The following ZNF445 variants were observed in gnomAD, a reference collection of about 807,000 sequenced individuals.
The protein encoded by ZNF445 is zinc finger protein 168.
Under a neutral mutation model 93.9 loss-of-function variants are expected in ZNF445, and 19 were observed. The ratio of observed to expected loss-of-function variants is 0.20; its 90% CI spans 0.14 to 0.30. The LOEUF is 0.30. ZNF445 is among the 10% of genes least tolerant of loss of function. ZNF445 has a pLI of 1.00. For missense variants in ZNF445, 1,058 were observed against 1,259.4 expected (o/e 0.84, Z 2.42); for synonymous variants, 449 against 446.3 (o/e 1.01, Z -0.08).
chr3:44,470,104 T>A (rs1472427100), intron 1 of ZNF445, among the ~76,000 whole-genome samples: 2 of 152,092 alleles, frequency 1.3e-5, no homozygotes, highest in East Asian at 3.9e-4. Context: ...TGACTTTTTT[T>A]TAGCGATAGG....
rs1424336824 is a variant in ZNF445, at chr3:44,447,182, T to G, written c.2489A>C (p.Glu830Ala). 6.2e-7 allele frequency: 1 copy of G among 1,614,232 alleles called. No individual in the cohort carries two copies. Among genetic ancestry groups the G allele is most frequent in the South Asian group, 1.1e-5 (1 of 91,086 alleles). Residue 830 changes from glutamate (E) to alanine (A), a missense_variant, in exon 8 of 8, where the codon GAG (glutamate) becomes GCG (alanine). By Grantham distance (107) the Glu-to-Ala change is moderately radical. Transcript: ENST00000396077. The surrounding 1 kb of genome is among the most constrained non-coding windows in gnomAD (Gnocchi z 4.7). ...TTTCTCACCAGTGAGGATTTTTGGC[T>G]CCACATTTGGAGTCTTTTCACTTTC... is the stretch of plus-strand genomic sequence containing the variant. ...CHESEKTPNV[E>A]PKILTGEKRF... is the part of the protein sequence containing the mutation.
At chr3:44,463,469 T>G (rs944947960) in intron 1 of ZNF445, among the ~76,000 whole-genome samples, 3 of 152,160 alleles carry the variant, frequency 2.0e-5, no homozygotes, top group African/African-American at 7.2e-5. Context: ...ACCTCTGTTT[T>G]CCTCATGAAA....
Position 44,433,968 on chromosome 3 carries a change from G to C in ZNF445, c.*12607C>G, listed in dbSNP as rs1269524284. The C allele has an allele frequency of 2.6e-5, 4 of 152,218 alleles. No individual in the cohort carries two copies. The highest frequency in any genetic ancestry group is 2.1e-4 in the South Asian group (1 of 4,832). The allele number at this position is 152,218 out of a possible 1,614,324, so 9.4% of individuals were successfully genotyped here. On this transcript the variant is annotated 3_prime_UTR_variant, in exon 8 of 8. Transcript: ENST00000396077. ...AGGAAAGGAATGGCTGCTGAGGACT[G>C]AGAACTAGAGCTGAGACTCCCAGGC...
intron 3 of ZNF445, 72 bp downstream of exon 3, chr3:44,455,049 C>A: frequency 1.9e-6 from 3 of 1,587,140 alleles, no homozygotes; most frequent in Admixed American, 1.7e-5. Context: ...TAGAGGGCCA[C>A]CCCCATCCCC....
intron 1 of ZNF445, among the ~76,000 whole-genome samples, chr3:44,458,881 G>A (rs1002833232): frequency 5.3e-5 from 8 of 152,084 alleles, no homozygotes; most frequent in African/African-American, 1.2e-4. Flanking sequence ...GAAATGCTGC[G>A]GAGAGGCCAA....
rs1400030509 is a variant in ZNF445, at chr3:44,433,801, C to T, written c.*12774G>A. On this transcript the variant is annotated 3_prime_UTR_variant, in exon 8 of 8. Transcript: ENST00000396077. The stretch of plus-strand genomic sequence containing the variant: ...GGGGCCCCACACTTAGAATGGCCTC[C>T]GCCTGCTATCTTGCTCTGCTGTCAG... 7 of 152,326 alleles carry T rather than the reference C, an allele frequency of 4.6e-5. No homozygotes were observed. In the East Asian group the frequency reaches 1.3e-3, roughly 29 times the overall value. The allele number at this position is 152,326 out of a possible 1,614,324, so 9.4% of individuals were successfully genotyped here.
At position 44,448,687 on chromosome 3, in the gene ZNF445, C is replaced by G; in HGVS notation, c.984G>C (p.Leu328Phe). ...ACACAGCTAAGGTTTCTGCTTCTTCCAAAGGTTCCTGATTTAAGATGAATT... is the reference window on the plus strand; with the variant it reads ...ACACAGCTAAGGTTTCTGCTTCTTCGAAAGGTTCCTGATTTAAGATGAATT... ...TNKFILNQEPLEEAETLAVSS... is the reference protein window; with the variant it reads ...TNKFILNQEPFEEAETLAVSS... The change falls in exon 8 of 8, where the codon TTG (leucine) becomes TTC (phenylalanine). Residue 328 changes from leucine (L) to phenylalanine (F), a missense_variant. Physicochemically the swap from Leu to Phe is conservative, Grantham distance 22. Around this residue, in one of 3 missense-constraint regions of ZNF445, gnomAD observed 657 missense variants for 746.4 expected, o/e 0.88. Transcript: ENST00000396077. 5.0e-6 allele frequency: 8 copies of G among 1,613,558 alleles called. No homozygotes were observed. Among genetic ancestry groups the G allele is most frequent in the Non-Finnish European group, 6.8e-6 (8 of 1,179,920 alleles).
intron 1 of ZNF445, among the ~76,000 whole-genome samples, chr3:44,466,994 G>C (rs1384627187): frequency 6.6e-6 from 1 of 152,150 alleles, no homozygotes; most frequent in Non-Finnish European, 1.5e-5. Flanking sequence ...ATTTTGTCTT[G>C]CTTTGGTCCT....
rs1458896524 is a variant in ZNF445, at chr3:44,455,510, C to T, written c.40G>A (p.Ala14Thr). ...CGCCCTCGCTCCCTCGAAGACTGGG[C>T]CTGAGCTGGATAGGCAGCATGCCAC... The part of the protein sequence containing the change: ...GRWHAAYPAQ[A>T]QSSRERGRLQ... The change falls in exon 3 of 8, where the codon GCC (alanine) becomes ACC (threonine). Residue 14 changes from alanine to threonine, a missense_variant. Ala to Thr is a moderately conservative substitution (Grantham distance 58). Coordinates refer to ENST00000396077, the MANE Select transcript of ZNF445 (RefSeq NM_181489.6). 2 of 1,610,038 alleles carry T rather than the reference C, an allele frequency of 1.2e-6. No homozygotes were observed. The highest frequency in any genetic ancestry group is 3.4e-5 in the Admixed American group (2 of 59,698).
chr3:44,456,876 G>GT (rs1276241878), intron 2 of ZNF445, among the ~76,000 whole-genome samples: 2 of 152,124 alleles, frequency 1.3e-5, no homozygotes, highest in Non-Finnish European at 2.9e-5. Context: ...CTTTCAGGAG[G>GT]TAATACTTTG....
chr3:44,443,119 G>A lies in ZNF445; in HGVS notation c.*3456C>T, dbSNP rs1187876940. The A allele has an allele frequency of 6.6e-6, 1 of 152,224 alleles. No individual in the cohort carries two copies. Among genetic ancestry groups the A allele is most frequent in the African/African-American group, 2.4e-5 (1 of 41,420 alleles). The allele number at this position is 152,224 out of a possible 1,614,324, so 9.4% of individuals were successfully genotyped here. ...AAGGTCAGGCCTTGAAGAATGAAGA[G>A]CTGAACTGGCAGAGAGAGGGGTGTG... On this transcript the variant is annotated 3_prime_UTR_variant, in exon 8 of 8. Transcript: ENST00000396077.
At chr3:44,476,166 C>CA (rs1166216484) in intron 1 of ZNF445, among the ~76,000 whole-genome samples, 4 of 152,102 alleles carry the variant, frequency 2.6e-5, no homozygotes, top group African/African-American at 4.8e-5. Context: ...TTGAAAATTG[C>CA]AAAATACAGT....
chr3:44,462,165 G>A (rs542656935), intron 1 of ZNF445, among the ~76,000 whole-genome samples: 8 of 152,296 alleles, frequency 5.3e-5, no homozygotes, highest in South Asian at 4.1e-4. Flanking sequence ...CAGATAGAAC[G>A]TGGGTTTAGG....
intron 1 of ZNF445, among the ~76,000 whole-genome samples, chr3:44,474,901 G>A (rs1407137111): frequency 2.6e-5 from 4 of 152,122 alleles, no homozygotes; most frequent in East Asian, 3.9e-4. Context: ...GACGGCCGAG[G>A]CAGGTGGATC....
intron 1 of ZNF445, among the ~76,000 whole-genome samples, chr3:44,459,642 C>T (rs1698080720): frequency 1.3e-5 from 2 of 152,184 alleles, no homozygotes; most frequent in African/African-American, 4.8e-5. Context: ...CTGAGTATTA[C>T]TGAAGGAATA....
At chr3:44,459,621 T>G (rs189601733) in intron 1 of ZNF445, among the ~76,000 whole-genome samples, 7 of 152,318 alleles carry the variant, frequency 4.6e-5, no homozygotes, top group Non-Finnish European at 8.8e-5. Context: ...AAAGCTACAT[T>G]AATGAAAACA....
At chr3:44,452,824 T>G (rs1575310358) in intron 3 of ZNF445, among the ~76,000 whole-genome samples, 1 of 152,328 alleles carries the variant, frequency 6.6e-6, no homozygotes, top group East Asian at 1.9e-4. Flanking sequence ...TTATTACCAT[T>G]TACTGCTGGT....
chr3:44,455,347 C>T lies in ZNF445; in HGVS notation c.203G>A (p.Gly68Glu). 6.2e-7 allele frequency: 1 copy of T among 1,613,962 alleles called. No individual in the cohort carries two copies. Among genetic ancestry groups the T allele is most frequent in the Non-Finnish European group, 8.5e-7 (1 of 1,179,914 alleles). The part of the protein sequence containing the change: ...FRQLRYHESS[G>E]PLETLSRLRE... ...GAGCCGGCTCAGAGTTTCTAGGGGCCCTGAAGACTCATGGTAGCGAAGCTG... is the reference window on the plus strand; with the variant it reads ...GAGCCGGCTCAGAGTTTCTAGGGGCTCTGAAGACTCATGGTAGCGAAGCTG... Residue 68 changes from glycine to glutamate, a missense_variant, in exon 3 of 8, where the codon GGG (glycine) becomes GAG (glutamate). By Grantham distance (98) the Gly-to-Glu change is moderately conservative. Transcript: ENST00000396077.
intron 6 of ZNF445, 196 bp downstream of exon 6, chr3:44,450,251 T>C (rs949992778): frequency 1.7e-5 from 11 of 646,036 alleles, no homozygotes; most frequent in Admixed American, 1.7e-4. Flanking sequence ...CTTTAATCTT[T>C]ACAATAATCC....
Sources: gnomAD v4.1 joint callset for allele counts (sites outside exome capture counted in the v4.1 genomes callset) on GRCh38, gnomAD v4.1.1 for gene constraint, gnomAD v4.1.1 regional missense constraint, Gnocchi (gnomAD v3.1) non-coding constraint, MANE v1.5 for transcripts, NCBI Gene and HGNC (gene_info 2026-07-23, HGNC 2026-07-21) for gene names.